Variants in TSHZ2 observed in about 807,000 individuals in gnomAD.
The protein encoded by TSHZ2 is teashirt zinc finger homeobox 2.
In TSHZ2, 21 loss-of-function variants were observed where a neutral mutation model predicts 74.4. The ratio of observed to expected loss-of-function variants is 0.28; its 90% CI spans 0.20 to 0.41. The LOEUF (loss-of-function observed/expected upper bound fraction) is 0.41. Ranked by LOEUF, TSHZ2 falls within the 10% of genes least tolerant of loss-of-function variation. The pLI, the probability that TSHZ2 is intolerant of heterozygous loss-of-function variation, is 1.00. For missense variants in TSHZ2, 1,244 were observed against 1,293.5 expected, an observed-to-expected ratio of 0.96 and a Z score of 0.59; for synonymous variants, 540 against 515.3, an observed-to-expected ratio of 1.05 and a Z score of -0.65.
intron 2 of TSHZ2, among the ~76,000 whole-genome samples, chr20:53,379,227 C>T (rs1981772177): frequency 1.3e-5 from 2 of 152,030 alleles, no homozygotes; most frequent in Admixed American, 6.6e-5. Context: ...ATAAAAAATA[C>T]AAAAATTAGC....
chr20:53,427,749 G>A (rs1418874171), intron 2 of TSHZ2, among the ~76,000 whole-genome samples: 1 of 152,176 alleles, frequency 6.6e-6, no homozygotes, highest in Non-Finnish European at 1.5e-5. Flanking sequence ...TTCATACAAT[G>A]TGCCCCCCAA....
At chr20:53,183,155 T>G (rs1174836358) in intron 1 of TSHZ2, among the ~76,000 whole-genome samples, 3 of 152,164 alleles carry the variant, frequency 2.0e-5, no homozygotes, top group East Asian at 3.8e-4. Context: ...TCAATGAAAT[T>G]AGGGCATTCT....
chr20:53,113,129 A>T (rs185513360), intron 1 of TSHZ2, among the ~76,000 whole-genome samples: 31 of 152,376 alleles, frequency 2.0e-4, no homozygotes, highest in African/African-American at 6.0e-4. Flanking sequence ...AGAAGAAGTC[A>T]GGTGTCAGGG....
chr20:53,441,255 A>C, intron 2 of TSHZ2, among the ~76,000 whole-genome samples: 1 of 145,650 alleles, frequency 6.9e-6, no homozygotes, highest in South Asian at 2.2e-4. Flanking sequence ...ATTTTATTTT[A>C]TTTTATTTTA....
Position 53,254,892 on chromosome 20 carries a change from C to T in TSHZ2, c.1434C>T (p.Val478=), listed in dbSNP as rs183008464. The part of the protein sequence containing the change: ...RPEETSKDEK[V]VKSEDYEDPL... The stretch of plus-strand genomic sequence containing the variant: ...AGGAAACCAGCAAGGATGAGAAAGT[C>T]GTGAAAAGCGAGGACTATGAAGATC... The change falls in exon 2 of 3, where the codon GTC becomes GTT. Residue 478 remains valine (V), a synonymous_variant. Transcript: ENST00000371497. The T allele has an allele frequency of 1.9e-5, 31 of 1,614,036 alleles. No individual in the cohort carries two copies. The highest frequency in any genetic ancestry group is 1.0e-4 in the Admixed American group (6 of 59,988).
chr20:53,305,183 C>T (rs374457788), intron 2 of TSHZ2, among the ~76,000 whole-genome samples: 14 of 152,218 alleles, frequency 9.2e-5, no homozygotes, highest in African/African-American at 3.1e-4. Flanking sequence ...CGTGATCTGC[C>T]TGCCTCGGCC....
chr20:53,160,842 G>A (rs1987915087), intron 1 of TSHZ2, among the ~76,000 whole-genome samples: 3 of 151,204 alleles, frequency 2.0e-5, no homozygotes, highest in Admixed American at 1.3e-4. Context: ...GCTCACCATA[G>A]GCCCATCTTC....
At chr20:52,981,644 AAC>A (rs1420808639) in intron 1 of TSHZ2, among the ~76,000 whole-genome samples, 1 of 152,220 alleles carries the variant, frequency 6.6e-6, no homozygotes, top group Non-Finnish European at 1.5e-5. Flanking sequence ...TAAGCCTGGA[AAC>A]ACAATGGCTA....
chr20:53,320,159 C>A (rs973298530), intron 2 of TSHZ2, among the ~76,000 whole-genome samples: 2 of 152,240 alleles, frequency 1.3e-5, no homozygotes, highest in Non-Finnish European at 2.9e-5. Context: ...AAAGCACGTA[C>A]TGTGTGCCAG....
At chr20:52,989,379 A>G (rs1981891260) in intron 1 of TSHZ2, among the ~76,000 whole-genome samples, 1 of 152,200 alleles carries the variant, frequency 6.6e-6, no homozygotes, top group Non-Finnish European at 1.5e-5. Context: ...TTTAACATTA[A>G]TGTTTTCTTT....
intron 2 of TSHZ2, among the ~76,000 whole-genome samples, chr20:53,292,507 G>T (rs1991298748): frequency 6.6e-6 from 1 of 150,778 alleles, no homozygotes; most frequent in African/African-American, 2.5e-5. Context: ...AAGTGCAGTG[G>T]TGCAATCATA....
chr20:53,356,788 G>A (rs1156483701), intron 2 of TSHZ2, among the ~76,000 whole-genome samples: 1 of 152,072 alleles, frequency 6.6e-6, no homozygotes, highest in Admixed American at 6.6e-5. Flanking sequence ...TAATGAAGTA[G>A]ACTTACTATT....
intron 1 of TSHZ2, among the ~76,000 whole-genome samples, chr20:52,989,516 G>A (rs1981896735): frequency 6.6e-6 from 1 of 152,128 alleles, no homozygotes; most frequent in Non-Finnish European, 1.5e-5. Context: ...AAATAGTTAA[G>A]GACTCTTTGA....
chr20:53,459,021 GA>G (rs964775363), intron 2 of TSHZ2, among the ~76,000 whole-genome samples: 23 of 152,148 alleles, frequency 1.5e-4, no homozygotes, highest in African/African-American at 5.6e-4. Context: ...GTGCGGTGCT[GA>G]AAAAAATATA....
At chr20:53,045,593 C>T (rs1341155242) in intron 1 of TSHZ2, among the ~76,000 whole-genome samples, 1 of 152,160 alleles carries the variant, frequency 6.6e-6, no homozygotes, top group African/African-American at 2.4e-5. Context: ...TCAGCTTTGT[C>T]CCTGTAGGAA....
intron 1 of TSHZ2, among the ~76,000 whole-genome samples, chr20:53,204,278 T>C (rs548317509): frequency 1.5e-4 from 15 of 99,630 alleles, no homozygotes; most frequent in South Asian, 6.6e-4. Context: ...TATATCATCA[T>C]ATAACATGAT....
chr20:53,201,731 C>T (rs1214554207), intron 1 of TSHZ2, among the ~76,000 whole-genome samples: 1 of 152,162 alleles, frequency 6.6e-6, no homozygotes, highest in Non-Finnish European at 1.5e-5. Flanking sequence ...ACATTTTGAT[C>T]CACACCCTTT....
intron 2 of TSHZ2, among the ~76,000 whole-genome samples, chr20:53,432,034 G>T (rs1983863692): frequency 6.6e-6 from 1 of 152,114 alleles, no homozygotes; most frequent in South Asian, 2.1e-4. Flanking sequence ...TGGTTACATG[G>T]ATGAATTATA....
At chr20:53,127,611 A>G (rs543452266) in intron 1 of TSHZ2, among the ~76,000 whole-genome samples, 22 of 152,336 alleles carry the variant, frequency 1.4e-4, no homozygotes, top group Middle Eastern at 3.4e-3. Context: ...TGAAACCTTG[A>G]TGACAATGAA....
Sources: allele counts gnomAD v4.1 joint callset (sites outside exome capture counted in the v4.1 genomes callset), GRCh38; gene constraint gnomAD v4.1.1; transcripts MANE v1.5; gene names NCBI Gene and HGNC (gene_info 2026-07-23, HGNC 2026-07-21).